The following SCAF8 variants were observed in gnomAD, a reference collection of about 807,000 sequenced individuals.
SCAF8 encodes the protein SR-related and CTD-associated factor 8.
In SCAF8, 23 loss-of-function variants were observed where a neutral mutation model predicts 140.5. The observed-to-expected ratio is 0.16, with a 90% CI of 0.12 to 0.23. The LOEUF is 0.23. SCAF8 is among the 10% of genes least tolerant of loss of function. The probability of loss-of-function intolerance (pLI) is 1.00; values close to 1 mark genes in which losing one functional copy is unlikely to be tolerated. For missense variants in SCAF8, 1,397 were observed against 1,555.7 expected, an observed-to-expected ratio of 0.90 and a Z score of 1.72; for synonymous variants, 575 against 528.9, an observed-to-expected ratio of 1.09 and a Z score of -1.20.
At chr6:154,744,185 C>G (rs1243639562) in intron 1 of SCAF8, among the ~76,000 whole-genome samples, 3 of 152,010 alleles carry the variant, frequency 2.0e-5, no homozygotes, top group Admixed American at 2.0e-4. Context: ...CCCAGCTACT[C>G]AGGAGGCTGA....
chr6:154,781,067 G>C (rs896877232), intron 3 of SCAF8, among the ~76,000 whole-genome samples: 1 of 151,982 alleles, frequency 6.6e-6, no homozygotes, highest in Non-Finnish European at 1.5e-5. Context: ...TCACCATTCT[G>C]ACTGGTGTGA....
chr6:154,776,117 G>T (rs184905986), intron 2 of SCAF8, among the ~76,000 whole-genome samples: 1 of 151,690 alleles, frequency 6.6e-6, no homozygotes, highest in African/African-American at 2.4e-5. Flanking sequence ...TTGTTGCATT[G>T]TTGACTAGTA....
chr6:154,773,900 A>G lies in SCAF8; in HGVS notation c.31-89A>G, dbSNP rs1264062846. Reference sequence around the variant, plus strand: ...AAAAGAAAAGCAGTATGTTGGTTTCATTGAGAATATAAAAATGAACATGTT... The same window carrying G: ...AAAAGAAAAGCAGTATGTTGGTTTCGTTGAGAATATAAAAATGAACATGTT... On this transcript the variant is annotated intron_variant, in intron 1 of 19. Coordinates refer to ENST00000367178, the MANE Select transcript of SCAF8 (RefSeq NM_014892.5). 4 of 852,004 alleles carry G rather than the reference A, an allele frequency of 4.7e-6. No individual in the cohort carries two copies. In the Admixed American group the frequency reaches 6.2e-5, roughly 13 times the overall value. 52.8% of individuals were successfully genotyped at this position (852,004 alleles called of 1,614,324 possible).
At chr6:154,733,978 C>T (rs760194855) in intron 1 of SCAF8, 48 bp downstream of exon 1, 11 of 1,485,598 alleles carry the variant, frequency 7.4e-6, no homozygotes, top group Non-Finnish European at 5.3e-6. Context: ...ACCGCCCCCA[C>T]CCCTGGTCGA....
rs1778230655 is a variant in SCAF8, at chr6:154,815,777, C to T, written c.1482C>T (p.Thr494=). 1.2e-6 allele frequency: 2 copies of T among 1,612,574 alleles called. No individual in the cohort carries two copies. The highest frequency in any genetic ancestry group is 1.1e-5 in the South Asian group (1 of 91,020). ...VDKKATQQDL[T]NLFEEFGQIE... ...AGAAGGCAACACAGCAAGACTTAAC[C>T]AACCTGTTTGAAGAGTTTGGACAGA... Residue 494 remains threonine, a synonymous_variant, in exon 13 of 20, where the codon ACC becomes ACT. Transcript: ENST00000367178.
intron 13 of SCAF8, among the ~76,000 whole-genome samples, chr6:154,817,594 G>A (rs1031973551): frequency 6.6e-6 from 1 of 152,120 alleles, no homozygotes; most frequent in Non-Finnish European, 1.5e-5. Flanking sequence ...GATTGTAATA[G>A]ATAAAGAAGA....
chr6:154,790,589 C>T (rs7759275), intron 4 of SCAF8, among the ~76,000 whole-genome samples: 90,868 of 144,928 alleles, frequency 0.63, 30,782 homozygotes, highest in East Asian at 0.92. Context: ...CGGCTCACTG[C>T]AAGCTCCGCC....
chr6:154,832,242 C>A lies in SCAF8; in HGVS notation c.2663C>A (p.Pro888Gln). Residue 888 changes from proline (P) to glutamine (Q), a missense_variant, in exon 20 of 20, where the codon CCA (proline) becomes CAA (glutamine). Around this residue, in one of 5 missense-constraint regions of SCAF8, gnomAD observed 930 missense variants for 874.6 expected, o/e 1.06. Coordinates refer to ENST00000367178, the MANE Select transcript of SCAF8 (RefSeq NM_014892.5). ...NNSGLVGVQP[P>Q]NVPNTPGLLG... ...TCTGGACTTGTAGGAGTACAGCCAC[C>A]AAATGTTCCAAATACTCCTGGACTT... is the stretch of plus-strand genomic sequence containing the variant. 1.2e-6 allele frequency: 2 copies of A among 1,614,100 alleles called. No homozygotes were observed. The highest frequency in any genetic ancestry group is 1.7e-6 in the Non-Finnish European group (2 of 1,179,980).
intron 2 of SCAF8, among the ~76,000 whole-genome samples, chr6:154,775,959 G>A (rs6557371): frequency 0.57 from 86,990 of 151,854 alleles, 26,654 homozygotes; most frequent in East Asian, 0.91. Context: ...TTCATTCATA[G>A]TAACACTTAA....
At chr6:154,789,805 A>T (rs1777361928) in intron 4 of SCAF8, among the ~76,000 whole-genome samples, 1 of 152,124 alleles carries the variant, frequency 6.6e-6, no homozygotes, top group Non-Finnish European at 1.5e-5. Flanking sequence ...TTGGCCTCCC[A>T]AAGTGCTGGG....
chr6:154,825,103 A>G (rs922531497), intron 17 of SCAF8: 1 of 152,206 alleles, frequency 6.6e-6, no homozygotes, highest in African/African-American at 2.4e-5. Context: ...CCATTTTGAC[A>G]TTAGAAATTA....
rs115938668 is a variant in SCAF8 at position 154,829,195 on chromosome 6, T to C, written c.2141-1727T>C. On this transcript the variant is annotated intron_variant, in intron 18 of 19. Coordinates refer to ENST00000367178, the MANE Select transcript of SCAF8 (RefSeq NM_014892.5). ...GTGTATCAGGGTTACCTGAAATAAA[T>C]CTTTTCTTTGTAGATGTGGTGCCAG... Among the ~76,000 whole-genome samples, 315 of 152,116 alleles carry C rather than the reference T, an allele frequency of 2.1e-3. 1 individual carries two copies. The highest frequency in any genetic ancestry group is 6.8e-3 in the African/African-American group (283 of 41,542).
At chr6:154,780,247 T>C (rs963656428) in intron 3 of SCAF8, among the ~76,000 whole-genome samples, 3 of 152,166 alleles carry the variant, frequency 2.0e-5, no homozygotes, top group African/African-American at 2.4e-5. Flanking sequence ...CAAAATGTTA[T>C]ATAAATTGAA....
At chr6:154,804,261 T>C (rs777496128) in intron 8 of SCAF8, among the ~76,000 whole-genome samples, 10 of 152,140 alleles carry the variant, frequency 6.6e-5, no homozygotes, top group Non-Finnish European at 1.3e-4. Flanking sequence ...GTTGTATATA[T>C]TGGGGTAATA....
intron 1 of SCAF8, among the ~76,000 whole-genome samples, chr6:154,755,466 G>C (rs1346768504): frequency 6.6e-6 from 1 of 151,996 alleles, no homozygotes; most frequent in East Asian, 1.9e-4. Context: ...GTCCAGTCTG[G>C]TCTCGAACTC....
chr6:154,747,199 C>T lies in SCAF8; in HGVS notation c.30+13269C>T, dbSNP rs905874483. On this transcript the variant is annotated intron_variant, in intron 1 of 19. Coordinates refer to ENST00000367178, the MANE Select transcript of SCAF8 (RefSeq NM_014892.5). ...GTTGTGGGCCTCTTTGTATATTCTT[C>T]GTCTTTTACAAAGCTTAAAATATAG... Among the ~76,000 whole-genome samples the T allele has an allele frequency of 4.6e-5, 7 of 152,030 alleles. No homozygotes were observed. The East Asian group carries it at 9.6e-4, about 21-fold the overall frequency.
chr6:154,825,303 CAA>C (rs1003463822), intron 17 of SCAF8: 4 of 152,106 alleles, frequency 2.6e-5, no homozygotes, highest in Admixed American at 6.5e-5. Flanking sequence ...TACTGATACA[CAA>C]AAAAAGTTTC....
chr6:154,766,688 A>G (rs1293191248), intron 1 of SCAF8, among the ~76,000 whole-genome samples: 1 of 64,308 alleles, frequency 1.6e-5, no homozygotes. Flanking sequence ...TTTTTTTGCT[A>G]TATCCACAAT....
At chr6:154,756,425 G>A (rs892618647) in intron 1 of SCAF8, among the ~76,000 whole-genome samples, 3 of 152,160 alleles carry the variant, frequency 2.0e-5, no homozygotes, top group Non-Finnish European at 2.9e-5. Flanking sequence ...GATAAATGGA[G>A]GTGAGGGTTT....
Sources: gnomAD v4.1 joint callset for allele counts (sites outside exome capture counted in the v4.1 genomes callset) on GRCh38, gnomAD v4.1.1 for gene constraint, gnomAD v4.1.1 regional missense constraint, MANE v1.5 for transcripts, NCBI Gene and HGNC (gene_info 2026-07-23, HGNC 2026-07-21) for gene names.